NALCN: variants seen among roughly 807,000 people sequenced by gnomAD.
NALCN encodes the protein sodium leak channel NALCN.
Under a neutral mutation model 225.3 loss-of-function variants are expected in NALCN, and 111 were observed. That is an observed-to-expected ratio of 0.49 (90% CI 0.42 to 0.58). The LOEUF is 0.58. Ranked by LOEUF, NALCN falls within the 20% of genes least tolerant of loss-of-function variation. The pLI is 0.00. For synonymous variants in NALCN, 764 were observed against 769.0 expected, an observed-to-expected ratio of 0.99 and a Z score of 0.11; for missense variants, 1,378 against 2,202.4, an observed-to-expected ratio of 0.63 and a Z score of 7.49.
chr13:101,253,086 T>C (rs919905478), intron 11 of NALCN, among the ~76,000 whole-genome samples: 1 of 152,098 alleles, frequency 6.6e-6, no homozygotes, highest in Non-Finnish European at 1.5e-5. Context: ...GCAATAATAA[T>C]ATATTCTCTT....
intron 10 of NALCN, among the ~76,000 whole-genome samples, chr13:101,259,483 G>A (rs867829879): frequency 3.3e-5 from 5 of 151,368 alleles, no homozygotes; most frequent in African/African-American, 7.3e-5. Context: ...ACAGGCGCCC[G>A]CCACCACGTC....
At chr13:101,337,100 G>A (rs1285423654) in intron 7 of NALCN, among the ~76,000 whole-genome samples, 1 of 151,900 alleles carries the variant, frequency 6.6e-6, no homozygotes, top group Admixed American at 6.6e-5. Flanking sequence ...AAACTGCATT[G>A]CCTCCCAGGT....
chr13:101,300,552 C>T (rs576555355), intron 7 of NALCN, among the ~76,000 whole-genome samples: 205 of 152,004 alleles, frequency 1.3e-3, no homozygotes, highest in African/African-American at 4.8e-3. Context: ...CTGGGTTCAA[C>T]CAATTTTCTG....
upstream of NALCN, among the ~76,000 whole-genome samples, chr13:101,417,058 G>A (rs761696320): frequency 6.6e-5 from 10 of 152,144 alleles, no homozygotes; most frequent in Non-Finnish European, 1.5e-4. Flanking sequence ...TTGTCGTGTG[G>A]ATGAGACAAA....
chr13:101,177,550 TA>T (rs534355074), intron 14 of NALCN, among the ~76,000 whole-genome samples: 46 of 151,896 alleles, frequency 3.0e-4, no homozygotes, highest in Non-Finnish European at 6.2e-4. Context: ...TTTCCTCTTT[TA>T]AAAAATGTTA....
intron 7 of NALCN, among the ~76,000 whole-genome samples, chr13:101,297,223 A>G (rs551384995): frequency 6.6e-6 from 1 of 152,174 alleles, no homozygotes; most frequent in Non-Finnish European, 1.5e-5. Context: ...CTGGGGTCCT[A>G]CCACTAAACC....
At position 101,057,952 on chromosome 13, in the gene NALCN, C is replaced by G; in HGVS notation, c.5010G>C (p.Trp1670Cys). 1 of 1,613,768 alleles carries G rather than the reference C, an allele frequency of 6.2e-7. No homozygotes were observed. The highest frequency in any genetic ancestry group is 8.5e-7 in the Non-Finnish European group (1 of 1,179,850). Residue 1670 changes from tryptophan (W) to cysteine (C), a missense_variant, in exon 43 of 44, where the codon TGG (tryptophan) becomes TGC (cysteine). Physicochemically the swap from Trp to Cys is radical, Grantham distance 215. This residue lies in a region of NALCN where 145 missense variants were observed against 169.6 expected (regional missense o/e 0.85). Coordinates refer to ENST00000251127, the MANE Select transcript of NALCN (RefSeq NM_052867.4). ...AGKPQRKFGQ[W>C]RLPSAPKPIS... ...GGATGGACCTACCTGAGGGCAGACG[C>G]CACTGCCCAAATTTCCTCTGGGGTT...
chr13:101,120,847 C>A (rs573105790), intron 18 of NALCN, among the ~76,000 whole-genome samples: 19 of 152,288 alleles, frequency 1.2e-4, no homozygotes, highest in African/African-American at 4.6e-4. Context: ...GTCTTCAGAA[C>A]AGTAACTATT....
intron 10 of NALCN, among the ~76,000 whole-genome samples, chr13:101,270,608 A>C (rs2042745340): frequency 6.6e-6 from 1 of 152,232 alleles, no homozygotes; most frequent in Non-Finnish European, 1.5e-5. Flanking sequence ...ATTTTGAAAT[A>C]TTTAGAGTAT....
At chr13:101,276,971 T>C (rs143369125) in intron 10 of NALCN, among the ~76,000 whole-genome samples, 4 of 152,252 alleles carry the variant, frequency 2.6e-5, no homozygotes, top group African/African-American at 7.2e-5. Flanking sequence ...TCTATATATA[T>C]GTATATACAC....
chr13:101,339,046 G>A lies in NALCN; in HGVS notation c.799+6220C>T, dbSNP rs74515328. 1.0e-3 allele frequency among the ~76,000 whole-genome samples: 156 copies of A among 152,206 alleles called. 1 individual carries two copies. The highest frequency in any genetic ancestry group is 2.5e-3 in the East Asian group (13 of 5,182). On this transcript the variant is annotated intron_variant, in intron 7 of 43. Transcript: ENST00000251127. ...TGTTATTACAGAAAATCACAGTGTCGCCTCTTTTATGTCTCAGCTTTTATG... is the reference window on the plus strand; with the variant it reads ...TGTTATTACAGAAAATCACAGTGTCACCTCTTTTATGTCTCAGCTTTTATG...
chr13:101,111,718 G>C (rs1383457552), intron 18 of NALCN, among the ~76,000 whole-genome samples: 1 of 152,146 alleles, frequency 6.6e-6, no homozygotes, highest in Non-Finnish European at 1.5e-5. Context: ...TTTAAAAAGG[G>C]GAGTTTCCCT....
In NALCN at chr13:101,104,480, G is replaced by A. The variant is rs753362301; in HGVS notation, c.2757+50C>T. Reference sequence around the variant, plus strand: ...CAATGAACGGAAAAACAGCAGGTCAGTATTTTACCTCCTAGTTGTAAGCTG... The same window carrying A: ...CAATGAACGGAAAAACAGCAGGTCAATATTTTACCTCCTAGTTGTAAGCTG... On this transcript the variant is annotated intron_variant, in intron 24 of 43. Transcript: ENST00000251127. This position sits in a 1 kb window ranked among gnomAD's most constrained non-coding sequence, Gnocchi z 4.2. The A allele has an allele frequency of 3.1e-6, 5 of 1,613,218 alleles. No individual in the cohort carries two copies. The highest frequency in any genetic ancestry group is 1.7e-5 in the Admixed American group (1 of 59,966).
intron 18 of NALCN, among the ~76,000 whole-genome samples, chr13:101,118,355 T>C (rs2035813373): frequency 6.6e-6 from 1 of 152,192 alleles, no homozygotes; most frequent in Admixed American, 6.6e-5. Context: ...AAACAATCTA[T>C]AAATCATATG....
intron 13 of NALCN, among the ~76,000 whole-genome samples, chr13:101,212,159 A>G (rs1345029888): frequency 3.3e-5 from 5 of 152,004 alleles, no homozygotes; most frequent in Non-Finnish European, 7.4e-5. Flanking sequence ...GGTTTTTCTT[A>G]TATGGAATGC....
chr13:101,099,413 A>G (rs771850120), intron 27 of NALCN, among the ~76,000 whole-genome samples: 12 of 152,086 alleles, frequency 7.9e-5, no homozygotes, highest in Middle Eastern at 3.2e-3. Flanking sequence ...AACAATTTGT[A>G]TCATTTAAAA....
At chr13:101,208,596 C>G (rs1055628430) in intron 13 of NALCN, among the ~76,000 whole-genome samples, 7 of 152,308 alleles carry the variant, frequency 4.6e-5, no homozygotes, top group African/African-American at 1.7e-4. Flanking sequence ...CTTTCCAAAT[C>G]CCATGTTGAA....
chr13:101,130,461 G>C (rs1389837233), intron 17 of NALCN, among the ~76,000 whole-genome samples: 1 of 152,184 alleles, frequency 6.6e-6, no homozygotes, highest in Admixed American at 6.5e-5. Flanking sequence ...AATGGTTTAA[G>C]AGTCCCTTTT....
intron 10 of NALCN, among the ~76,000 whole-genome samples, chr13:101,271,772 C>T (rs910402608): frequency 6.6e-6 from 1 of 150,474 alleles, no homozygotes; most frequent in Non-Finnish European, 1.5e-5. Flanking sequence ...TGTGTATAAG[C>T]GTGTGTATGC....
Sources: allele counts gnomAD v4.1 joint callset (sites outside exome capture counted in the v4.1 genomes callset), GRCh38; gene constraint gnomAD v4.1.1; regional missense constraint gnomAD v4.1.1; non-coding constraint Gnocchi (gnomAD v3.1); transcripts MANE v1.5; gene names NCBI Gene and HGNC (gene_info 2026-07-23, HGNC 2026-07-21).